PTPRK: variants seen among roughly 807,000 people sequenced by gnomAD.
PTPRK encodes protein tyrosine phosphatase receptor type K, also known as receptor-type tyrosine-protein phosphatase kappa.
PTPRK carries 75 observed loss-of-function variants against 178.0 expected under a neutral mutation model. The ratio of observed to expected loss-of-function variants is 0.42; its 90% CI spans 0.35 to 0.51. The LOEUF (loss-of-function observed/expected upper bound fraction) is 0.51, where lower values mean the gene tolerates loss of function less well. PTPRK is among the 20% of genes least tolerant of loss of function. The pLI, the probability that PTPRK is intolerant of heterozygous loss-of-function variation, is 0.02. For missense variants in PTPRK, 1,441 were observed against 1,797.8 expected (o/e 0.80, Z 3.59); for synonymous variants, 637 against 620.6 (o/e 1.03, Z -0.39).
intron 1 of PTPRK, among the ~76,000 whole-genome samples, chr6:128,442,833 T>C (rs1020152945): frequency 2.0e-5 from 3 of 152,234 alleles, no homozygotes; most frequent in East Asian, 1.9e-4. Context: ...TGCATCTTCA[T>C]GGCTCTAATT....
intron 6 of PTPRK, among the ~76,000 whole-genome samples, chr6:128,198,847 G>A (rs1309816336): frequency 6.6e-6 from 1 of 152,094 alleles, no homozygotes; most frequent in Non-Finnish European, 1.5e-5. Flanking sequence ...TGAAGGCAAG[G>A]ACTGTATATT....
chr6:128,091,361 T>G (rs2115028213), intron 7 of PTPRK, among the ~76,000 whole-genome samples: 1 of 152,320 alleles, frequency 6.6e-6, no homozygotes, highest in East Asian at 1.9e-4. Context: ...ATGCTAAGAT[T>G]TTCCCCACCA....
rs529054240 is a variant in PTPRK, at chr6:128,420,020, A to C, written c.101-22332T>G. On this transcript the variant is annotated intron_variant, in intron 1 of 29. Transcript: ENST00000368226. The stretch of plus-strand genomic sequence containing the variant: ...ACTAAAGCCCAATTAGCACCTAGCA[A>C]ACGAATAATCATGCGTAACACTGAA... Among the ~76,000 whole-genome samples the C allele has an allele frequency of 1.5e-4, 23 of 152,362 alleles. 1 individual carries two copies. The South Asian group carries it at 4.6e-3, about 30-fold the overall frequency.
chr6:128,186,936 A>G (rs542342835), intron 6 of PTPRK, among the ~76,000 whole-genome samples: 1 of 152,284 alleles, frequency 6.6e-6, no homozygotes, highest in East Asian at 1.9e-4. Flanking sequence ...CATATGTGCA[A>G]TATTTGTTTT....
At chr6:128,465,937 G>T (rs1849793547) in intron 1 of PTPRK, among the ~76,000 whole-genome samples, 6 of 152,016 alleles carry the variant, frequency 3.9e-5, no homozygotes, top group Admixed American at 3.9e-4. Context: ...TTGTCTCATG[G>T]GGCTTCATTT....
intron 15 of PTPRK, among the ~76,000 whole-genome samples, chr6:128,003,880 G>C (rs1056528577): frequency 6.6e-6 from 1 of 151,782 alleles, no homozygotes; most frequent in Non-Finnish European, 1.5e-5. Context: ...GCCCTGTCAT[G>C]ATTATAACTA....
chr6:128,318,833 G>A (rs1202772120), intron 3 of PTPRK, among the ~76,000 whole-genome samples: 1 of 152,102 alleles, frequency 6.6e-6, no homozygotes, highest in East Asian at 1.9e-4. Flanking sequence ...TGACACCTAA[G>A]GATTTGCGGG....
In PTPRK at chr6:128,170,295, C is replaced by T. The variant is rs945681046; in HGVS notation, c.1162+14137G>A. 4.6e-5 allele frequency among the ~76,000 whole-genome samples: 7 copies of T among 152,092 alleles called. No homozygotes were observed. The South Asian group carries it at 8.3e-4, about 18-fold the overall frequency. On this transcript the variant is annotated intron_variant, in intron 7 of 29. Coordinates refer to ENST00000368226, the MANE Select transcript of PTPRK (RefSeq NM_002844.4). Reference sequence around the variant, plus strand: ...AGCTACATCTTTGTCTCTACATCTACGCTTAATTTATACCTATCCATTATA... The same window carrying T: ...AGCTACATCTTTGTCTCTACATCTATGCTTAATTTATACCTATCCATTATA...
At chr6:128,306,162 T>C (rs939970192) in intron 3 of PTPRK, among the ~76,000 whole-genome samples, 6 of 152,150 alleles carry the variant, frequency 3.9e-5, no homozygotes, top group South Asian at 2.1e-4. Flanking sequence ...AAGATGAGAA[T>C]TGGGTGGTGA....
intron 2 of PTPRK, among the ~76,000 whole-genome samples, chr6:128,368,708 C>T (rs992757019): frequency 2.0e-5 from 3 of 152,126 alleles, no homozygotes; most frequent in South Asian, 2.1e-4. Context: ...CAAGTAGCTA[C>T]GTGCTCTTCA....
intron 7 of PTPRK, among the ~76,000 whole-genome samples, chr6:128,121,571 A>G (rs1311345201): frequency 2.0e-5 from 3 of 151,990 alleles, no homozygotes; most frequent in Non-Finnish European, 2.9e-5. Flanking sequence ...ATAAGTACAA[A>G]CTTATCTGCA....
chr6:128,405,489 C>T (rs538112460), intron 1 of PTPRK, among the ~76,000 whole-genome samples: 1 of 152,214 alleles, frequency 6.6e-6, no homozygotes, highest in Admixed American at 6.5e-5. Context: ...GTGTTAGATA[C>T]ACAATCTAGA....
intron 1 of PTPRK, chr6:128,500,854 T>G (rs1396844497): frequency 6.6e-6 from 1 of 152,310 alleles, no homozygotes; most frequent in Non-Finnish European, 1.5e-5. Flanking sequence ...TAATCTCAGC[T>G]CACTACAACC....
chr6:128,340,697 T>TA (rs1242340140), intron 2 of PTPRK: 1 of 412,524 alleles, frequency 2.4e-6, no homozygotes, highest in Admixed American at 3.2e-5. Context: ...TTATTTAATA[T>TA]AAAATGATGC....
At chr6:128,439,872 T>C (rs1209797787) in intron 1 of PTPRK, among the ~76,000 whole-genome samples, 1 of 152,218 alleles carries the variant, frequency 6.6e-6, no homozygotes. Context: ...TTCTGACTCA[T>C]ACTAGAAGCA....
At chr6:128,110,170 C>T (rs1307108573) in intron 7 of PTPRK, among the ~76,000 whole-genome samples, 2 of 152,098 alleles carry the variant, frequency 1.3e-5, no homozygotes, top group Admixed American at 1.3e-4. Context: ...GCAGTCCTCC[C>T]ATCTTGGTCT....
intron 27 of PTPRK, among the ~76,000 whole-genome samples, chr6:127,974,467 T>C (rs1262148194): frequency 6.6e-6 from 1 of 152,168 alleles, no homozygotes; most frequent in Admixed American, 6.5e-5. Context: ...CTTGGTCTTC[T>C]CAATCCCAAA....
At position 128,038,291 on chromosome 6, in the gene PTPRK, A is replaced by G. The variant is rs147709943; in HGVS notation, c.2194+26467T>C. Among the ~76,000 whole-genome samples, 31 of 152,296 alleles carry G rather than the reference A, an allele frequency of 2.0e-4. 1 individual carries two copies. The East Asian group carries it at 5.2e-3, about 26-fold the overall frequency. On this transcript the variant is annotated intron_variant, in intron 13 of 29. Transcript: ENST00000368226. Reference sequence around the variant, plus strand: ...TTGTCTTACTGTCATTCTTCAAAGCATTATGCAAATTTTAAAAATAGCAAC... The same window carrying G: ...TTGTCTTACTGTCATTCTTCAAAGCGTTATGCAAATTTTAAAAATAGCAAC...
intron 12 of PTPRK, 82 bp from the exon 13 acceptor site, chr6:128,064,876 T>A: frequency 7.0e-7 from 1 of 1,431,552 alleles, no homozygotes; most frequent in South Asian, 1.6e-5. Flanking sequence ...ATTATGAAGA[T>A]CCATCTGGGG....
Sources: gnomAD v4.1 joint callset for allele counts (sites outside exome capture counted in the v4.1 genomes callset) on GRCh38, gnomAD v4.1.1 for gene constraint, MANE v1.5 for transcripts, NCBI Gene and HGNC (gene_info 2026-07-23, HGNC 2026-07-21) for gene names.